Variants in ELMO1 observed in about 807,000 individuals in gnomAD.
ELMO1 encodes the protein engulfment and cell motility protein 1.
A neutral mutation model predicts 98.9 loss-of-function variants in ELMO1; 26 were observed. That is an observed-to-expected ratio of 0.26 (90% CI 0.19 to 0.36). The LOEUF (loss-of-function observed/expected upper bound fraction) is 0.36, where lower values mean the gene tolerates loss of function less well. Ranked by LOEUF, ELMO1 falls within the 10% of genes least tolerant of loss-of-function variation. ELMO1 has a pLI of 1.00. For missense variants in ELMO1, 627 were observed against 935.2 expected (o/e 0.67, Z 4.30); for synonymous variants, 346 against 346.0 (o/e 1.00, Z 0.00).
chr7:37,179,331 G>A (rs1278657815), intron 13 of ELMO1, among the ~76,000 whole-genome samples: 1 of 145,802 alleles, frequency 6.9e-6, no homozygotes, highest in Non-Finnish European at 1.5e-5. Context: ...AGGCTGGAGT[G>A]CACTGGCGCG....
intron 10 of ELMO1, among the ~76,000 whole-genome samples, chr7:37,221,695 C>CT (rs1043248374): frequency 1.6e-5 from 2 of 128,770 alleles, no homozygotes; most frequent in Non-Finnish European, 3.3e-5. Context: ...GGGTTCCTTC[C>CT]TTTTTTTTTC....
At chr7:36,922,113 A>G (rs952647704) in intron 16 of ELMO1, among the ~76,000 whole-genome samples, 3 of 152,188 alleles carry the variant, frequency 2.0e-5, no homozygotes, top group Non-Finnish European at 4.4e-5. Flanking sequence ...TAATAAAATC[A>G]ATAGGTGGTC....
intron 4 of ELMO1, among the ~76,000 whole-genome samples, chr7:37,286,146 G>A (rs985993187): frequency 4.6e-5 from 7 of 152,152 alleles, no homozygotes; most frequent in African/African-American, 1.7e-4. Context: ...GCCCATTCTA[G>A]GCAAAACAAT....
chr7:37,158,477 T>A (rs1318440621), intron 13 of ELMO1, among the ~76,000 whole-genome samples: 2 of 151,886 alleles, frequency 1.3e-5, no homozygotes, highest in Non-Finnish European at 2.9e-5. Flanking sequence ...AACAACCCCA[T>A]CAAAAAATGG....
At chr7:37,000,488 G>GGC in intron 16 of ELMO1, among the ~76,000 whole-genome samples, 6 of 152,232 alleles carry the variant, frequency 3.9e-5, no homozygotes, top group African/African-American at 1.2e-4. Context: ...ACTGTGGCAA[G>GGC]AACTGGGTCT....
intron 13 of ELMO1, among the ~76,000 whole-genome samples, chr7:37,186,857 T>C (rs141641178): frequency 1.3e-5 from 2 of 152,276 alleles, no homozygotes; most frequent in Admixed American, 6.5e-5. Context: ...AAGCTACTGG[T>C]GAGCATATAC....
chr7:37,251,427 T>A (rs2541079), intron 6 of ELMO1, among the ~76,000 whole-genome samples: 1,715 of 152,306 alleles, frequency 0.011, 22 homozygotes, highest in Non-Finnish European at 0.016. Context: ...AGATGACACT[T>A]CCTCACTGTT....
chr7:37,074,419 T>C (rs17170862), intron 15 of ELMO1, among the ~76,000 whole-genome samples: 18,742 of 152,152 alleles, frequency 0.12, 1,505 homozygotes, highest in African/African-American at 0.24. Flanking sequence ...AAATAACTCA[T>C]GATTCACTTT....
rs6950840 is a variant in ELMO1 at position 37,363,907 on chromosome 7, T to G, written c.-73-21144A>C. On this transcript the variant is annotated intron_variant, in intron 1 of 21. Transcript: ENST00000310758. Reference sequence around the variant, plus strand: ...GAAAACCAAAGAAGCCAGGGAAGAGTTCAGTAGAAAATCACACCCTAGGCC... The same window carrying G: ...GAAAACCAAAGAAGCCAGGGAAGAGGTCAGTAGAAAATCACACCCTAGGCC... Among the ~76,000 whole-genome samples, 363 of 150,298 alleles carry G rather than the reference T, an allele frequency of 2.4e-3. 4 individuals carry two copies. The highest frequency in any genetic ancestry group is 8.4e-3 in the African/African-American group (345 of 40,852).
intron 16 of ELMO1, among the ~76,000 whole-genome samples, chr7:36,945,706 A>T (rs1787419948): frequency 6.6e-6 from 1 of 152,206 alleles, no homozygotes. Context: ...CCCTTAAGTC[A>T]GAGTCCATGC....
intron 16 of ELMO1, among the ~76,000 whole-genome samples, chr7:36,914,516 C>CTTTT (rs71734817): frequency 7.7e-6 from 1 of 129,988 alleles, no homozygotes; most frequent in South Asian, 2.4e-4. Flanking sequence ...AATGTACATT[C>CTTTT]TTTTTTTTTT....
At chr7:37,124,684 C>A (rs894648698) in intron 14 of ELMO1, among the ~76,000 whole-genome samples, 5 of 152,114 alleles carry the variant, frequency 3.3e-5, no homozygotes, top group African/African-American at 1.2e-4. Flanking sequence ...TAGGAAGAAT[C>A]AATATCATGA....
intron 13 of ELMO1, among the ~76,000 whole-genome samples, chr7:37,171,483 ATTTT>A (rs71780142): frequency 6.0e-5 from 5 of 82,912 alleles, no homozygotes; most frequent in South Asian, 1.0e-3. Context: ...AGGCCTTTCT[ATTTT>A]TTTTTTTTTT....
chr7:37,172,755 G>A (rs1563055377), intron 13 of ELMO1, among the ~76,000 whole-genome samples: 2 of 152,154 alleles, frequency 1.3e-5, no homozygotes, highest in Non-Finnish European at 2.9e-5. Context: ...GTTACGCTGA[G>A]AAGGAAAATT....
chr7:37,387,989 G>A lies in ELMO1; in HGVS notation c.-73-45226C>T, dbSNP rs1340284954. ...TGGGACTACAGGTACATGCCACCAC[G>A]CCTGGCCAATTTTTACATTTTTTTT... is the stretch of plus-strand genomic sequence containing the variant. On this transcript the variant is annotated intron_variant, in intron 1 of 21. Transcript: ENST00000310758. 1.3e-5 allele frequency among the ~76,000 whole-genome samples: 2 copies of A among 151,750 alleles called. 1 individual carries two copies. Among genetic ancestry groups the A allele is most frequent in the Non-Finnish European group, 2.9e-5 (2 of 67,922 alleles).
chr7:37,219,479 A>C (rs1563084599), intron 10 of ELMO1, among the ~76,000 whole-genome samples: 1 of 152,248 alleles, frequency 6.6e-6, no homozygotes, highest in Non-Finnish European at 1.5e-5. Flanking sequence ...CTAAGGCTTT[A>C]AACAGATACA....
Position 37,345,353 on chromosome 7 carries a change from G to A in ELMO1, c.-73-2590C>T, listed in dbSNP as rs78010033. Among the ~76,000 whole-genome samples the A allele has an allele frequency of 4.6e-3, 700 of 152,144 alleles. 7 individuals carry two copies. The highest frequency in any genetic ancestry group is 7.1e-3 in the Non-Finnish European group (481 of 68,000). ...GCCTGTGCCTCTACCAGTGTGGGAG[G>A]GGCAGGAATACAATTTTAAACAGGA... On this transcript the variant is annotated intron_variant, in intron 1 of 21. Transcript: ENST00000310758.
rs917269334 is a variant in ELMO1, at chr7:37,024,805, AT to A, written c.1301-11371del. Among the ~76,000 whole-genome samples, 340 of 151,600 alleles carry A rather than the reference AT, an allele frequency of 2.2e-3. 2 individuals are homozygous for A. Among genetic ancestry groups the A allele is most frequent in the African/African-American group, 6.3e-3 (262 of 41,334 alleles). On this transcript the variant is annotated intron_variant, in intron 15 of 21. Coordinates refer to ENST00000310758, the MANE Select transcript of ELMO1 (RefSeq NM_014800.11). ...AAATGTTACACAGAATACAAATATG[AT>A]TTTTTTTTCAAAAAAGTCCTTGATT... is the stretch of plus-strand genomic sequence containing the variant.
At chr7:37,422,322 T>TTTC (rs1419565512) in intron 1 of ELMO1, among the ~76,000 whole-genome samples, 1 of 152,242 alleles carries the variant, frequency 6.6e-6, no homozygotes, top group African/African-American at 2.4e-5. Context: ...AAGAGTCTTA[T>TTTC]TTCTGTGAGT....
Sources: gnomAD v4.1 joint callset for allele counts (sites outside exome capture counted in the v4.1 genomes callset) on GRCh38, gnomAD v4.1.1 for gene constraint, MANE v1.5 for transcripts, NCBI Gene and HGNC (gene_info 2026-07-23, HGNC 2026-07-21) for gene names.